The following SLC15A5 variants were observed in gnomAD, a reference collection of about 807,000 sequenced individuals.
The protein encoded by SLC15A5 is solute carrier family 15 member 5, also known as Peptide/histidine transporter ENSP00000340402.
In SLC15A5, 58 loss-of-function variants were observed where a neutral mutation model predicts 56.1. That is an observed-to-expected ratio of 1.03 (90% confidence interval 0.84 to 1.29). The LOEUF (loss-of-function observed/expected upper bound fraction) is 1.29, where lower values mean the gene tolerates loss of function less well. SLC15A5 is among the 50% of genes most tolerant of loss of function. SLC15A5 has a pLI of 0.00. For missense variants in SLC15A5, 681 were observed against 672.1 expected (o/e 1.01, Z -0.15); for synonymous variants, 264 against 250.5 (o/e 1.05, Z -0.51).
At chr12:16,240,012 G>A (rs1236343538) in intron 4 of SLC15A5, 145 bp from the exon 5 acceptor site, 2 of 703,190 alleles carry the variant, frequency 2.8e-6, no homozygotes, top group Non-Finnish European at 4.6e-6. Flanking sequence ...CCAGTTATGA[G>A]CTGATAAAGG....
rs2136821178 is a variant in SLC15A5, at chr12:16,269,386, C to G, written c.584+3175G>C. On this transcript the variant is annotated intron_variant, in intron 2 of 8. Transcript: ENST00000344941. This position sits in a 1 kb window ranked among gnomAD's most constrained non-coding sequence, Gnocchi z 4.7. ...AAATCCTGGTCCCTGGATCCTACCT[C>G]TAACCAATGTAATCAGAATCTTTGG... is the stretch of plus-strand genomic sequence containing the variant. Among the ~76,000 whole-genome samples, 1 of 152,276 alleles carries G rather than the reference C, an allele frequency of 6.6e-6. No homozygotes were observed. The highest frequency in any genetic ancestry group is 1.5e-5 in the Non-Finnish European group (1 of 68,024).
chr12:16,209,019 CTTTT>C lies in SLC15A5; in HGVS notation c.1483+7870_1483+7873del, dbSNP rs34238331. Among the ~76,000 whole-genome samples, 137 of 141,292 alleles carry C rather than the reference CTTTT, an allele frequency of 9.7e-4. 3 individuals carry two copies. Among genetic ancestry groups the C allele is most frequent in the East Asian group, 8.2e-4 (4 of 4,870 alleles). 92.7% of individuals were successfully genotyped at this position (141,292 alleles called of 152,430 possible). A position where few individuals can be genotyped will look rare whatever the true frequency, so the allele number is the denominator to read the frequency against. ...CAAAAGAGTTCTTTAAACATGATGC[CTTTT>C]TTTTTTTTTTTCATGTACTGGACTT... On this transcript the variant is annotated intron_variant, in intron 7 of 8. Coordinates refer to ENST00000344941, the MANE Select transcript of SLC15A5 (RefSeq NM_001170798.1).
intron 7 of SLC15A5, among the ~76,000 whole-genome samples, chr12:16,197,708 C>A (rs1284264650): frequency 6.6e-6 from 1 of 151,480 alleles, no homozygotes; most frequent in Non-Finnish European, 1.5e-5. Flanking sequence ...TGAGCTTGAT[C>A]TTGGGTCTGT....
At chr12:16,228,319 T>A (rs1288328011) in intron 5 of SLC15A5, among the ~76,000 whole-genome samples, 2 of 152,218 alleles carry the variant, frequency 1.3e-5, no homozygotes, top group Non-Finnish European at 2.9e-5. Flanking sequence ...TTCAAGCATG[T>A]TTGCATTTGG....
At chr12:16,198,942 A>G (rs1001370140) in intron 7 of SLC15A5, among the ~76,000 whole-genome samples, 1 of 152,054 alleles carries the variant, frequency 6.6e-6, no homozygotes, top group East Asian at 1.9e-4. Flanking sequence ...CAAAGGTCTA[A>G]CCACATGTTC....
At chr12:16,240,569 TA>T (rs1050923198) in intron 4 of SLC15A5, among the ~76,000 whole-genome samples, 17 of 151,566 alleles carry the variant, frequency 1.1e-4, no homozygotes, top group African/African-American at 3.4e-4. Context: ...ACAATTTTTT[TA>T]AAAAAAAACC....
chr12:16,224,369 A>G, intron 6 of SLC15A5, 45 bp downstream of exon 6: 1 of 1,514,040 alleles, frequency 6.6e-7, no homozygotes, highest in Non-Finnish European at 8.8e-7. Flanking sequence ...GTTCTGTGTA[A>G]AGGTTCAGTA....
At chr12:16,194,738 A>G (rs1592105571) in intron 7 of SLC15A5, among the ~76,000 whole-genome samples, 1 of 152,106 alleles carries the variant, frequency 6.6e-6, no homozygotes, top group African/African-American at 2.4e-5. Flanking sequence ...TGACTATTCC[A>G]TTAACTTGCA....
intron 3 of SLC15A5, among the ~76,000 whole-genome samples, chr12:16,255,889 A>G (rs578072661): frequency 1.3e-5 from 2 of 152,304 alleles, no homozygotes; most frequent in Admixed American, 1.3e-4. Context: ...ATATTTTAAT[A>G]TTTGCATTTA....
intron 8 of SLC15A5, among the ~76,000 whole-genome samples, chr12:16,190,134 A>T (rs1358873323): frequency 1.3e-5 from 2 of 152,166 alleles, no homozygotes; most frequent in African/African-American, 4.8e-5. Context: ...GGCGGTCAGG[A>T]TGCATAAGAG....
chr12:16,256,921 GATA>G (rs1329566527), intron 3 of SLC15A5, among the ~76,000 whole-genome samples: 474 of 23,460 alleles, frequency 0.02, 3 homozygotes, highest in African/African-American at 0.04. Context: ...GGAATAGATA[GATA>G]GATAGATAGA....
intron 2 of SLC15A5, among the ~76,000 whole-genome samples, chr12:16,261,620 G>T (rs1358242255): frequency 6.6e-6 from 1 of 152,138 alleles, no homozygotes; most frequent in Non-Finnish European, 1.5e-5. Context: ...TGATATGATA[G>T]ATGTATATTT....
chr12:16,239,174 C>T (rs1438614746), intron 5 of SLC15A5, among the ~76,000 whole-genome samples: 1 of 152,196 alleles, frequency 6.6e-6, no homozygotes, highest in Non-Finnish European at 1.5e-5. Context: ...CCTTCTCTCC[C>T]ATTTCAATCA....
chr12:16,229,724 A>G (rs1438409616), intron 5 of SLC15A5, among the ~76,000 whole-genome samples: 5 of 151,796 alleles, frequency 3.3e-5, no homozygotes, highest in Non-Finnish European at 2.9e-5. Context: ...TATTTTTAAT[A>G]TTTTAAGAGA....
intron 7 of SLC15A5, among the ~76,000 whole-genome samples, chr12:16,201,256 A>G (rs1330278249): frequency 1.3e-5 from 2 of 152,174 alleles, no homozygotes; most frequent in Non-Finnish European, 1.5e-5. Context: ...TAAAATTCAT[A>G]TGGAACCACA....
At chr12:16,256,393 A>G (rs1864572280) in intron 3 of SLC15A5, among the ~76,000 whole-genome samples, 1 of 152,206 alleles carries the variant, frequency 6.6e-6, no homozygotes, top group Non-Finnish European at 1.5e-5. Context: ...TAATTAAAGT[A>G]CATAATGCCA....
chr12:16,222,182 A>G (rs1864194169), intron 6 of SLC15A5, among the ~76,000 whole-genome samples: 2 of 152,156 alleles, frequency 1.3e-5, no homozygotes, highest in Non-Finnish European at 2.9e-5. Flanking sequence ...AAAATCTTCC[A>G]CTTAGTCCTT....
At chr12:16,198,965 T>C (rs1179825901) in intron 7 of SLC15A5, among the ~76,000 whole-genome samples, 1 of 152,068 alleles carries the variant, frequency 6.6e-6, no homozygotes, top group Non-Finnish European at 1.5e-5. Flanking sequence ...CTGCTTTCAT[T>C]AGATAATGCT....
intron 6 of SLC15A5, among the ~76,000 whole-genome samples, chr12:16,218,356 A>T (rs1864151459): frequency 1.3e-5 from 2 of 152,310 alleles, no homozygotes; most frequent in African/African-American, 4.8e-5. Flanking sequence ...TCATAAGTAA[A>T]TATTACAGCT....
Sources: gnomAD v4.1 joint callset for allele counts (sites outside exome capture counted in the v4.1 genomes callset) on GRCh38, gnomAD v4.1.1 for gene constraint, Gnocchi (gnomAD v3.1) non-coding constraint, MANE v1.5 for transcripts, NCBI Gene and HGNC (gene_info 2026-07-23, HGNC 2026-07-21) for gene names.